VPS13B: variants seen among roughly 807,000 people sequenced by gnomAD.
VPS13B encodes vacuolar protein sorting 13 homolog B.
In VPS13B, 285 loss-of-function variants were observed where a neutral mutation model predicts 426.4. The observed-to-expected ratio is 0.67, with a 90% CI of 0.61 to 0.74. The LOEUF (loss-of-function observed/expected upper bound fraction) is 0.74. Ranked by LOEUF, VPS13B falls within the 30% of genes least tolerant of loss-of-function variation. VPS13B has a pLI of 0.00. For synonymous variants in VPS13B, 1,676 were observed against 1,676.4 expected (o/e 1.00, Z 0.01); for missense variants, 4,537 against 4,782.6 (o/e 0.95, Z 1.51).
intron 3 of VPS13B, among the ~76,000 whole-genome samples, chr8:99,057,650 G>T (rs867669135): frequency 6.6e-6 from 1 of 152,148 alleles, no homozygotes; most frequent in Middle Eastern, 3.4e-3. Flanking sequence ...CAGCATAAGA[G>T]CTAAATGGGC....
intron 61 of VPS13B, 25 bp downstream of exon 61, chr8:99,871,722 C>T (rs754175534): frequency 3.2e-5 from 51 of 1,612,260 alleles, no homozygotes; most frequent in Non-Finnish European, 3.7e-5. Context: ...ACAGGGCAAC[C>T]AAGACTAGCT....
rs530173830 is a variant in VPS13B at position 99,201,806 on chromosome 8, T to C, written c.2515+8749T>C. Reference sequence around the variant, plus strand: ...ATGTCTTACTATTTCTGTTGCGCATTATTTTCACTTTTCAACTATTGACAC... The same window carrying C: ...ATGTCTTACTATTTCTGTTGCGCATCATTTTCACTTTTCAACTATTGACAC... On this transcript the variant is annotated intron_variant, in intron 17 of 61. Transcript: ENST00000357162. 2.0e-5 allele frequency among the ~76,000 whole-genome samples: 3 copies of C among 152,338 alleles called. No homozygotes were observed. In the East Asian group the frequency reaches 5.8e-4, roughly 29 times the overall value.
At chr8:99,861,665 C>T (rs990611495) in intron 57 of VPS13B, 111 bp from the exon 58 acceptor site, 8 of 1,401,368 alleles carry the variant, frequency 5.7e-6, no homozygotes, top group Non-Finnish European at 7.9e-6. Context: ...TCACTTGCCA[C>T]TGGGCATGTC....
chr8:99,193,089 G>A, intron 17 of VPS13B, 32 bp downstream of exon 17: 1 of 1,608,790 alleles, frequency 6.2e-7, no homozygotes, highest in East Asian at 2.2e-5. Flanking sequence ...TAACTATATG[G>A]AAAATTTGTG....
At chr8:99,046,426 T>G (rs1192236335) in intron 3 of VPS13B, among the ~76,000 whole-genome samples, 2 of 152,018 alleles carry the variant, frequency 1.3e-5, no homozygotes, top group Non-Finnish European at 2.9e-5. Flanking sequence ...TTTTTTTTTA[T>G]CAGTTCTAGG....
At chr8:99,871,821 A>C in intron 61 of VPS13B, 124 bp downstream of exon 61, 1 of 1,545,684 alleles carries the variant, frequency 6.5e-7, no homozygotes, top group African/African-American at 1.4e-5. Context: ...GACCAAGGAG[A>C]GCTGCTACCC....
chr8:99,643,873 T>C (rs1478176966), intron 34 of VPS13B, among the ~76,000 whole-genome samples: 1 of 152,138 alleles, frequency 6.6e-6, no homozygotes, highest in African/African-American at 2.4e-5. Flanking sequence ...GCAATGAAAA[T>C]GTGGGAGATG....
At chr8:99,035,162 G>C (rs1842687955) in intron 2 of VPS13B, among the ~76,000 whole-genome samples, 1 of 151,956 alleles carries the variant, frequency 6.6e-6, no homozygotes, top group Non-Finnish European at 1.5e-5. Flanking sequence ...CAGCCTGGGT[G>C]ACAGAGTTAG....
chr8:99,665,030 T>C (rs934434582), intron 35 of VPS13B, among the ~76,000 whole-genome samples: 1 of 152,228 alleles, frequency 6.6e-6, no homozygotes, highest in Admixed American at 6.5e-5. Flanking sequence ...TGGGATGGTA[T>C]CTCATTGCGG....
At chr8:99,419,610 G>C (rs942471243) in intron 21 of VPS13B, among the ~76,000 whole-genome samples, 1 of 151,928 alleles carries the variant, frequency 6.6e-6, no homozygotes, top group African/African-American at 2.4e-5. Context: ...ATACTGGCTT[G>C]GCTATCAGTT....
At chr8:99,407,003 A>C (rs1410125062) in intron 21 of VPS13B, among the ~76,000 whole-genome samples, 1 of 152,214 alleles carries the variant, frequency 6.6e-6, no homozygotes, top group Admixed American at 6.5e-5. Context: ...AAAGTTGAAC[A>C]GAGTTTCAGA....
intron 22 of VPS13B, among the ~76,000 whole-genome samples, chr8:99,438,832 A>G (rs991779814): frequency 1.6e-4 from 24 of 152,200 alleles, no homozygotes; most frequent in African/African-American, 5.3e-4. Flanking sequence ...ATACAGAGAT[A>G]GTGAAACCGT....
chr8:99,473,301 A>G (rs1044114385), intron 24 of VPS13B, among the ~76,000 whole-genome samples: 2 of 152,060 alleles, frequency 1.3e-5, no homozygotes, highest in African/African-American at 2.4e-5. Flanking sequence ...AAGGCATAAT[A>G]TATATATTAT....
intron 3 of VPS13B, among the ~76,000 whole-genome samples, chr8:99,084,622 T>C (rs1845670762): frequency 6.6e-6 from 1 of 152,238 alleles, no homozygotes; most frequent in Non-Finnish European, 1.5e-5. Flanking sequence ...CACACTGCTT[T>C]GAATGTGTCC....
At chr8:99,201,285 C>T (rs1166776043) in intron 17 of VPS13B, among the ~76,000 whole-genome samples, 1 of 151,984 alleles carries the variant, frequency 6.6e-6, no homozygotes, top group Non-Finnish European at 1.5e-5. Context: ...TCCAGTTTTA[C>T]CATTTCTTTC....
At chr8:99,618,229 G>A (rs901697792) in intron 33 of VPS13B, among the ~76,000 whole-genome samples, 5 of 148,390 alleles carry the variant, frequency 3.4e-5, no homozygotes, top group Admixed American at 6.8e-5. Flanking sequence ...GTAAGCAGTA[G>A]CAAATGTACT....
In VPS13B at chr8:99,832,430, T is replaced by C; in HGVS notation, c.9392T>C (p.Met3131Thr). ...TGCCCAGGTGGAGAGCAGCCTGCTA[T>C]GAAATCCAGCTCCCTTCCTTGCTGG... ...SICPGGEQPA[M>T]KSSSLPCWDL... Residue 3131 changes from methionine to threonine, a missense_variant, in exon 52 of 62, where the codon ATG (methionine) becomes ACG (threonine). By Grantham distance (81) the Met-to-Thr change is moderately conservative (BLOSUM62 -1). Coordinates refer to ENST00000357162, the MANE Select transcript of VPS13B (RefSeq NM_152564.5). 2.5e-6 allele frequency: 4 copies of C among 1,595,692 alleles called. No homozygotes were observed. Among genetic ancestry groups the C allele is most frequent in the Non-Finnish European group, 3.4e-6 (4 of 1,171,506 alleles).
At chr8:99,293,016 A>C (rs1383252707) in intron 19 of VPS13B, among the ~76,000 whole-genome samples, 1 of 152,144 alleles carries the variant, frequency 6.6e-6, no homozygotes, top group Non-Finnish European at 1.5e-5. Context: ...TTACTAGAGA[A>C]GTTTCTCTGA....
chr8:99,404,689 G>T (rs1815232995), intron 21 of VPS13B, among the ~76,000 whole-genome samples: 1 of 152,078 alleles, frequency 6.6e-6, no homozygotes, highest in Admixed American at 6.6e-5. Flanking sequence ...CAAAAATAAT[G>T]ATGAGTGTAA....
Sources: allele counts gnomAD v4.1 joint callset (sites outside exome capture counted in the v4.1 genomes callset), GRCh38; gene constraint gnomAD v4.1.1; transcripts MANE v1.5; gene names NCBI Gene and HGNC (gene_info 2026-07-23, HGNC 2026-07-21).